The following SLC25A26 variants were observed in gnomAD, a reference collection of about 807,000 sequenced individuals.
SLC25A26 encodes the protein mitochondrial S-adenosylmethionine carrier protein.
A neutral mutation model predicts 37.8 loss-of-function variants in SLC25A26; 36 were observed. The ratio of observed to expected loss-of-function variants is 0.95; its 90% CI spans 0.73 to 1.26. The LOEUF (loss-of-function observed/expected upper bound fraction) is 1.26, where lower values mean the gene tolerates loss of function less well. SLC25A26 is among the 50% of genes most tolerant of loss of function. The pLI is 0.00. For synonymous variants in SLC25A26, 129 were observed against 122.5 expected, an observed-to-expected ratio of 1.05 and a Z score of -0.35; for missense variants, 390 against 331.1, an observed-to-expected ratio of 1.18 and a Z score of -1.38.
Position 66,347,409 on chromosome 3 carries a change from C to G in SLC25A26, c.498+1001C>G, listed in dbSNP as rs148126452. Among the ~76,000 whole-genome samples, 778 of 152,278 alleles carry G rather than the reference C, an allele frequency of 5.1e-3. 12 individuals are homozygous for G. The highest frequency in any genetic ancestry group is 0.014 in the African/African-American group (572 of 41,562). On this transcript the variant is annotated intron_variant, in intron 6 of 9. Coordinates refer to ENST00000354883, the MANE Select transcript of SLC25A26 (RefSeq NM_001379210.1). Reference sequence around the variant, plus strand: ...CACTGATTATTAGAGAAATGCAAATCAAAACCACAATGAGATACCGTCTCA... The same window carrying G: ...CACTGATTATTAGAGAAATGCAAATGAAAACCACAATGAGATACCGTCTCA...
intron 5 of SLC25A26, among the ~76,000 whole-genome samples, chr3:66,319,784 A>C (rs2075644148): frequency 1.0e-5 from 1 of 99,660 alleles, no homozygotes. Context: ...ATGAAGTTTC[A>C]CTCTTGTTGC....
intron 5 of SLC25A26, among the ~76,000 whole-genome samples, chr3:66,337,968 A>G (rs950591007): frequency 6.6e-6 from 1 of 152,044 alleles, no homozygotes; most frequent in Non-Finnish European, 1.5e-5. Flanking sequence ...ACAAATGTAT[A>G]GTCGTGTAAT....
rs2070846079 is a variant in SLC25A26 at position 66,187,206 on chromosome 3, C to G, written c.-353-33536C>G. On this transcript the variant is annotated intron_variant, in intron 1 of 10. Coordinates refer to the SLC25A26 transcript ENST00000676754. Reference sequence around the variant, plus strand: ...CCTCACCATGACACCATCCATGATCCTTATCATGTCGCTGAACCTGATCTT... The same window carrying G: ...CCTCACCATGACACCATCCATGATCGTTATCATGTCGCTGAACCTGATCTT... 2.0e-5 allele frequency among the ~76,000 whole-genome samples: 3 copies of G among 151,740 alleles called. No individual in the cohort carries two copies. The South Asian group carries it at 6.2e-4, about 32-fold the overall frequency.
chr3:66,211,051 C>G (rs1047436714), intron 1 of SLC25A26, among the ~76,000 whole-genome samples: 107 of 152,344 alleles, frequency 7.0e-4, no homozygotes, highest in African/African-American at 2.4e-3. Context: ...TGACCATGTC[C>G]TCTTGTAATT....
chr3:66,176,660 C>G (rs1054743272), intron 1 of SLC25A26, among the ~76,000 whole-genome samples: 2 of 152,134 alleles, frequency 1.3e-5, no homozygotes, highest in Non-Finnish European at 2.9e-5. Context: ...GTTTACTTGA[C>G]TCATGGTTTG....
At chr3:66,277,851 G>A (rs530459439) in intron 5 of SLC25A26, among the ~76,000 whole-genome samples, 106 of 152,162 alleles carry the variant, frequency 7.0e-4, no homozygotes, top group African/African-American at 2.5e-3. Flanking sequence ...TCTTGCCAAA[G>A]ATGCATAATC....
At chr3:66,352,006 T>C (rs1000813866) in intron 6 of SLC25A26, among the ~76,000 whole-genome samples, 1 of 151,980 alleles carries the variant, frequency 6.6e-6, no homozygotes, top group African/African-American at 2.4e-5. Context: ...CCCAGCACTT[T>C]GAGAGGCATA....
intron 5 of SLC25A26, among the ~76,000 whole-genome samples, chr3:66,281,051 C>T (rs2074318605): frequency 1.3e-5 from 2 of 152,172 alleles, no homozygotes; most frequent in Admixed American, 6.5e-5. Context: ...ATTTGGTTGT[C>T]AGGGTCCCCA....
chr3:66,273,197 G>A (rs974699194), intron 5 of SLC25A26, among the ~76,000 whole-genome samples: 2 of 152,130 alleles, frequency 1.3e-5, no homozygotes, highest in Non-Finnish European at 2.9e-5. Flanking sequence ...CGGTTTGCCA[G>A]TATTTTATTG....
chr3:66,146,430 T>C (rs1481625622), intron 1 of SLC25A26, among the ~76,000 whole-genome samples: 1 of 152,146 alleles, frequency 6.6e-6, no homozygotes, highest in East Asian at 1.9e-4. Context: ...ACAAAGAATA[T>C]AATATGGAAA....
At chr3:66,371,419 T>G in intron 9 of SLC25A26, 1 of 1,464,836 alleles carries the variant, frequency 6.8e-7, no homozygotes, top group Non-Finnish European at 9.1e-7. Flanking sequence ...AGTAGGTGAG[T>G]CAGGACCCAG....
chr3:66,283,404 C>T (rs561308014), intron 5 of SLC25A26, among the ~76,000 whole-genome samples: 2 of 152,286 alleles, frequency 1.3e-5, no homozygotes, highest in East Asian at 1.9e-4. Context: ...CCTCAGCTTC[C>T]TGAGAAGCTG....
intron 5 of SLC25A26, among the ~76,000 whole-genome samples, chr3:66,345,222 C>A (rs191495469): frequency 6.6e-6 from 1 of 152,244 alleles, no homozygotes; most frequent in East Asian, 1.9e-4. Flanking sequence ...CCCACGTCCC[C>A]CTGTGTTTTG....
At chr3:66,139,282 C>T (rs1233544312) in intron 1 of SLC25A26, among the ~76,000 whole-genome samples, 1 of 152,176 alleles carries the variant, frequency 6.6e-6, no homozygotes, top group Non-Finnish European at 1.5e-5. Context: ...GCATTAGCTT[C>T]TCTAATTCTG....
intron 1 of SLC25A26, among the ~76,000 whole-genome samples, chr3:66,147,196 C>G (rs1014843036): frequency 1.3e-5 from 2 of 149,280 alleles, no homozygotes; most frequent in African/African-American, 2.5e-5. Flanking sequence ...CAGAGTCTTG[C>G]TCTGTCTCCC....
At chr3:66,338,762 C>G (rs918108705) in intron 5 of SLC25A26, among the ~76,000 whole-genome samples, 5 of 151,986 alleles carry the variant, frequency 3.3e-5, no homozygotes, top group African/African-American at 1.2e-4. Context: ...ACTACAACTT[C>G]TAATGTAGCT....
intron 5 of SLC25A26, among the ~76,000 whole-genome samples, chr3:66,291,348 G>A (rs1220458180): frequency 1.3e-5 from 2 of 151,968 alleles, no homozygotes; most frequent in African/African-American, 4.8e-5. Context: ...TCTTCTGCTA[G>A]CGTTTGAATT....
intron 5 of SLC25A26, among the ~76,000 whole-genome samples, chr3:66,295,308 C>T (rs979219753): frequency 5.9e-5 from 9 of 152,160 alleles, no homozygotes; most frequent in South Asian, 2.1e-4. Context: ...ACTGCAAGCT[C>T]TGCCTCCCGG....
chr3:66,275,813 C>G (rs1576772194), intron 5 of SLC25A26, among the ~76,000 whole-genome samples: 1 of 151,982 alleles, frequency 6.6e-6, no homozygotes. Flanking sequence ...ATATTCAAAA[C>G]AGTTTTTGAA....
Sources: allele counts gnomAD v4.1 joint callset (sites outside exome capture counted in the v4.1 genomes callset), GRCh38; gene constraint gnomAD v4.1.1; transcripts MANE v1.5; gene names NCBI Gene and HGNC (gene_info 2026-07-23, HGNC 2026-07-21).